The following TENM3 variants were observed in gnomAD, a reference collection of about 807,000 sequenced individuals.
The protein encoded by TENM3 is teneurin-3.
TENM3 carries 63 observed loss-of-function variants against 255.1 expected under a neutral mutation model. The observed-to-expected ratio is 0.25, with a 90% CI of 0.20 to 0.30. TENM3 has a LOEUF of 0.30. TENM3 is among the 10% of genes least tolerant of loss of function. TENM3 has a pLI of 1.00. For synonymous variants in TENM3, 1,306 were observed against 1,322.3 expected (o/e 0.99, Z 0.27); for missense variants, 2,929 against 3,461.1 (o/e 0.85, Z 3.86).
the TENM3 span, among the ~76,000 whole-genome samples, chr4:181,708,441 A>G: frequency 9.2e-5 from 14 of 152,224 alleles, no homozygotes; most frequent in Admixed American, 7.2e-4. Context: ...GAGAAAACCT[A>G]GTTGAATAAA....
chr4:182,390,887 CA>C (rs1464382813), intron 3 of TENM3, among the ~76,000 whole-genome samples: 1 of 152,180 alleles, frequency 6.6e-6, no homozygotes, highest in African/African-American at 2.4e-5. Context: ...CAATCTGGAG[CA>C]AAATGGCATG....
At chr4:182,428,007 A>C (rs1771357170) in intron 3 of TENM3, among the ~76,000 whole-genome samples, 1 of 150,824 alleles carries the variant, frequency 6.6e-6, no homozygotes, top group South Asian at 2.1e-4. Context: ...AAATGTGATT[A>C]TTTAAAACAT....
At chr4:181,727,731 C>T in the TENM3 span, among the ~76,000 whole-genome samples, 1 of 152,228 alleles carries the variant, frequency 6.6e-6, no homozygotes, top group African/African-American at 2.4e-5. Context: ...CATTATTAAG[C>T]CTCCTTGAGA....
At chr4:182,040,531 A>G in the TENM3 span, among the ~76,000 whole-genome samples, 3 of 152,108 alleles carry the variant, frequency 2.0e-5, no homozygotes, top group African/African-American at 7.2e-5. Flanking sequence ...GAACATACCT[A>G]TTCTACTCCA....
chr4:181,867,621 A>C, the TENM3 span, among the ~76,000 whole-genome samples: 1 of 152,232 alleles, frequency 6.6e-6, no homozygotes, highest in Admixed American at 6.5e-5. Flanking sequence ...TGCTTGTTAC[A>C]TGACTGAGCA....
At chr4:181,908,636 A>G in the TENM3 span, among the ~76,000 whole-genome samples, 5 of 152,232 alleles carry the variant, frequency 3.3e-5, no homozygotes, top group Admixed American at 3.3e-4. Context: ...TTTCAAGAAT[A>G]GATGCTAAGA....
chr4:182,074,374 T>A, the TENM3 span, among the ~76,000 whole-genome samples: 37 of 152,282 alleles, frequency 2.4e-4, no homozygotes, highest in African/African-American at 8.9e-4. Flanking sequence ...TTTTATAGCA[T>A]CTACCTGCCT....
the TENM3 span, among the ~76,000 whole-genome samples, chr4:181,915,006 G>A: frequency 3.3e-5 from 5 of 152,118 alleles, no homozygotes; most frequent in South Asian, 6.2e-4. Context: ...TTTTAGTCAC[G>A]GAAGTCAAGT....
the TENM3 span, among the ~76,000 whole-genome samples, chr4:181,532,818 T>C: frequency 6.6e-6 from 1 of 152,208 alleles, no homozygotes; most frequent in East Asian, 1.9e-4. Context: ...CTAACTCTTA[T>C]GATATTGTTT....
Position 182,537,349 on chromosome 4 carries a change from G to A in TENM3, c.512-63575G>A, listed in dbSNP as rs1225470218. On this transcript the variant is annotated intron_variant, in intron 3 of 27. Transcript: ENST00000511685. ...CTCTTGGTTTATAAATATCATTGCC[G>A]TCTCTTTCTCTTCTATGTAAGATCT... Among the ~76,000 whole-genome samples, 22 of 152,066 alleles carry A rather than the reference G, an allele frequency of 1.4e-4. 1 individual carries two copies. The highest frequency in any genetic ancestry group is 1.4e-3 in the Admixed American group (22 of 15,262).
chr4:182,468,710 T>C (rs898162780), intron 3 of TENM3, among the ~76,000 whole-genome samples: 2 of 152,156 alleles, frequency 1.3e-5, no homozygotes, highest in Non-Finnish European at 1.5e-5. Flanking sequence ...CTTGGCATCA[T>C]ACTACTTTTA....
intron 1 of TENM3, among the ~76,000 whole-genome samples, chr4:182,309,056 T>C (rs948845921): frequency 2.0e-5 from 3 of 152,194 alleles, no homozygotes; most frequent in Non-Finnish European, 4.4e-5. Flanking sequence ...TCAGAGACTT[T>C]CCTCAGTTCT....
chr4:181,890,428 A>G, the TENM3 span, among the ~76,000 whole-genome samples: 2 of 152,104 alleles, frequency 1.3e-5, no homozygotes, highest in African/African-American at 4.8e-5. Context: ...GTTTTCAAAG[A>G]AAAAAAAGAC....
chr4:181,667,271 A>G, the TENM3 span, among the ~76,000 whole-genome samples: 1,803 of 151,984 alleles, frequency 0.012, 18 homozygotes, highest in Middle Eastern at 0.02. Context: ...TCTTCCCTTA[A>G]TGTCTTCTAA....
the TENM3 span, among the ~76,000 whole-genome samples, chr4:181,456,243 G>T: frequency 2.6e-5 from 4 of 151,294 alleles, no homozygotes; most frequent in African/African-American, 9.7e-5. Flanking sequence ...TGACAGAGTT[G>T]AGGTCTGAAT....
chr4:182,587,663 G>A (rs560464178), intron 3 of TENM3, among the ~76,000 whole-genome samples: 85 of 152,148 alleles, frequency 5.6e-4, no homozygotes, highest in Middle Eastern at 3.4e-3. Flanking sequence ...TGCCCACCTC[G>A]GCCTGCCAAA....
chr4:182,608,923 T>TGCC (rs1748703479), intron 4 of TENM3, among the ~76,000 whole-genome samples: 1 of 152,152 alleles, frequency 6.6e-6, no homozygotes, highest in South Asian at 2.1e-4. Context: ...TGGCACTCGG[T>TGCC]GCCGCCGCAG....
At chr4:182,435,286 C>A (rs930896342) in intron 3 of TENM3, among the ~76,000 whole-genome samples, 6 of 152,162 alleles carry the variant, frequency 3.9e-5, no homozygotes, top group African/African-American at 1.4e-4. Context: ...AGACAGTCTA[C>A]AAATATGGTG....
the TENM3 span, among the ~76,000 whole-genome samples, chr4:181,710,240 C>T: frequency 8.0e-4 from 121 of 152,010 alleles, no homozygotes; most frequent in Non-Finnish European, 1.4e-3. Flanking sequence ...AAAACAAGAG[C>T]CATTAAGATA....
Sources: gnomAD v4.1 joint callset for allele counts (sites outside exome capture counted in the v4.1 genomes callset) on GRCh38, gnomAD v4.1.1 for gene constraint, MANE v1.5 for transcripts, NCBI Gene and HGNC (gene_info 2026-07-23, HGNC 2026-07-21) for gene names.